Variants in SECISBP2L observed in about 807,000 individuals in gnomAD.
SECISBP2L encodes selenocysteine insertion sequence-binding protein 2-like.
A neutral mutation model predicts 114.7 loss-of-function variants in SECISBP2L; 43 were observed. The observed-to-expected ratio is 0.38, with a 90% CI of 0.29 to 0.48. SECISBP2L has a LOEUF of 0.48. SECISBP2L is among the 20% of genes least tolerant of loss of function. SECISBP2L has a pLI of 0.98. For missense variants in SECISBP2L, 1,136 were observed against 1,301.1 expected (o/e 0.87, Z 1.95); for synonymous variants, 451 against 439.7 (o/e 1.03, Z -0.32).
chr15:49,045,076 A>G (rs761626482), intron 1 of SECISBP2L, among the ~76,000 whole-genome samples: 1 of 152,220 alleles, frequency 6.6e-6, no homozygotes, highest in Admixed American at 6.5e-5. Context: ...TAAATGCCTA[A>G]GTGTATTTGC....
intron 1 of SECISBP2L, among the ~76,000 whole-genome samples, chr15:49,040,553 T>TTTG (rs1903103448): frequency 8.0e-6 from 1 of 125,718 alleles, no homozygotes; most frequent in Non-Finnish European, 1.7e-5. Flanking sequence ...TTTTTTTTTT[T>TTTG]GAGACGGAGT....
chr15:49,034,664 C>CTTTTTT (rs745310543), intron 3 of SECISBP2L, among the ~76,000 whole-genome samples: 122 of 63,378 alleles, frequency 1.9e-3, no homozygotes, highest in African/African-American at 5.8e-3. Context: ...GAAAGTATAT[C>CTTTTTT]TTTTGTTTTT....
rs1902466982 is a variant in SECISBP2L at position 49,012,963 on chromosome 15, G to C, written c.1562-146C>G. 12 of 713,950 alleles carry C rather than the reference G, an allele frequency of 1.7e-5. No individual in the cohort carries two copies. In the Admixed American group the frequency reaches 3.3e-4, roughly 19 times the overall value. 44.2% of individuals were successfully genotyped at this position (713,950 alleles called of 1,614,324 possible). A position where few individuals can be genotyped will look rare whatever the true frequency, so the allele number is the denominator to read the frequency against. On this transcript the variant is annotated intron_variant, in intron 11 of 17. Coordinates refer to ENST00000559471, the MANE Select transcript of SECISBP2L (RefSeq NM_001193489.2). The stretch of plus-strand genomic sequence containing the variant: ...TAGGAGCACTATACATGGCTAGGCA[G>C]TGTCCCTCAGATACAGCTTTTACCT...
chr15:49,002,303 T>C (rs1902229170), intron 14 of SECISBP2L, among the ~76,000 whole-genome samples: 1 of 139,458 alleles, frequency 7.2e-6, no homozygotes, highest in South Asian at 2.2e-4. Context: ...GATGGGGTTG[T>C]TTTTTCTTAT....
At chr15:49,002,762 T>C (rs1902237562) in intron 14 of SECISBP2L, among the ~76,000 whole-genome samples, 1 of 152,240 alleles carries the variant, frequency 6.6e-6, no homozygotes, top group Admixed American at 6.5e-5. Flanking sequence ...CAGATGGTTG[T>C]AGATGTGTGG....
chr15:49,025,138 T>C (rs1902715138), intron 7 of SECISBP2L, among the ~76,000 whole-genome samples: 1 of 152,184 alleles, frequency 6.6e-6, no homozygotes, highest in Non-Finnish European at 1.5e-5. Flanking sequence ...TGATTCCCCT[T>C]TTAGCTCTTT....
Position 48,996,477 on chromosome 15 carries a change from T to C in SECISBP2L, c.2513A>G (p.Lys838Arg), listed in dbSNP as rs1902093638. The change falls in exon 17 of 18, where the codon AAG (lysine) becomes AGG (arginine). Residue 838 changes from lysine (K) to arginine (R), a missense_variant. Physicochemically the swap from Lys to Arg is conservative, Grantham distance 26. Around this residue, in one of 2 missense-constraint regions of SECISBP2L, gnomAD observed 684 missense variants for 848.7 expected, o/e 0.81. Transcript: ENST00000559471. ...EQAEEALKNVKKVPHHMGHSR... is the reference protein window; with the variant it reads ...EQAEEALKNVRKVPHHMGHSR... ...ATGTCCCATGTGGTGTGGTACCTTCTTCACATTCTTTAAGGCTTCCTCAGC... is the reference window on the plus strand; with the variant it reads ...ATGTCCCATGTGGTGTGGTACCTTCCTCACATTCTTTAAGGCTTCCTCAGC... 1 of 1,614,156 alleles carries C rather than the reference T, an allele frequency of 6.2e-7. No homozygotes were observed. The highest frequency in any genetic ancestry group is 2.2e-5 in the East Asian group (1 of 44,874).
chr15:48,992,731 G>A lies in SECISBP2L; in HGVS notation c.2819C>T (p.Ala940Val), dbSNP rs1477540448. The change falls in exon 18 of 18, where the codon GCA becomes GTA. Residue 940 changes from alanine to valine, a missense_variant. Ala to Val is a moderately conservative substitution (Grantham distance 64). Coordinates refer to ENST00000559471, the MANE Select transcript of SECISBP2L (RefSeq NM_001193489.2). ...TSATSAGKST[A>V]SDKEEVKPDD... ...TGGCTTCACTTCCTCTTTATCACTTGCTGTGGATTTCCCAGCACTTGTAGC... is the reference window on the plus strand; with the variant it reads ...TGGCTTCACTTCCTCTTTATCACTTACTGTGGATTTCCCAGCACTTGTAGC... The A allele has an allele frequency of 6.2e-7, 1 of 1,614,172 alleles. No homozygotes were observed. The highest frequency in any genetic ancestry group is 8.5e-7 in the Non-Finnish European group (1 of 1,180,036).
At chr15:49,032,887 GT>G (rs1443299499) in intron 4 of SECISBP2L, 77 bp downstream of exon 4, 71 of 1,541,336 alleles carry the variant, frequency 4.6e-5, no homozygotes, top group Non-Finnish European at 6.1e-5. Flanking sequence ...CTGACAAGTG[GT>G]TCAGACCACA....
At chr15:49,003,761 A>C (rs1255857558) in intron 14 of SECISBP2L, among the ~76,000 whole-genome samples, 2 of 152,190 alleles carry the variant, frequency 1.3e-5, no homozygotes, top group Non-Finnish European at 2.9e-5. Flanking sequence ...CCATATGGTA[A>C]ACCAGCCTTG....
At chr15:49,000,779 C>A in intron 15 of SECISBP2L, 98 bp downstream of exon 15, 4 of 967,318 alleles carry the variant, frequency 4.1e-6, no homozygotes, top group Non-Finnish European at 6.0e-6. Flanking sequence ...TGTTTTATAC[C>A]TAAACTCTGA....
rs758490109 is a variant in SECISBP2L, at chr15:48,992,201, C to T, written c.*43G>A. 3.9e-6 allele frequency: 6 copies of T among 1,540,608 alleles called. No individual in the cohort carries two copies. The highest frequency in any genetic ancestry group is 1.2e-5 in the South Asian group (1 of 81,400). On this transcript the variant is annotated 3_prime_UTR_variant, in exon 18 of 18. Coordinates refer to ENST00000559471, the MANE Select transcript of SECISBP2L (RefSeq NM_001193489.2). ...GATGAAGCATAAAAGGTAATGGCTG[C>T]AACCCTTCCACAGCTGGAGATAGAG...
Position 48,992,130 on chromosome 15 carries a change from G to C in SECISBP2L, c.*114C>G. Reference sequence around the variant, plus strand: ...AGTAAAAGCTACAAAAATATTTGTTGGGAATTAAATACGTATATTAAATAC... The same window carrying C: ...AGTAAAAGCTACAAAAATATTTGTTCGGAATTAAATACGTATATTAAATAC... On this transcript the variant is annotated 3_prime_UTR_variant, in exon 18 of 18. Coordinates refer to ENST00000559471, the MANE Select transcript of SECISBP2L (RefSeq NM_001193489.2). The C allele has an allele frequency of 1.1e-6, 1 of 950,664 alleles. No homozygotes were observed. The highest frequency in any genetic ancestry group is 1.5e-6 in the Non-Finnish European group (1 of 648,564). The allele number at this position is 950,664 out of a possible 1,614,324, so 58.9% of individuals were successfully genotyped here.
At chr15:49,006,442 A>T (rs993759562) in intron 14 of SECISBP2L, among the ~76,000 whole-genome samples, 1 of 151,878 alleles carries the variant, frequency 6.6e-6, no homozygotes, top group Non-Finnish European at 1.5e-5. Context: ...GGCTTTGTTC[A>T]TTCCTTTTCA....
At chr15:49,040,742 G>C (rs1481544985) in intron 1 of SECISBP2L, among the ~76,000 whole-genome samples, 1 of 150,898 alleles carries the variant, frequency 6.6e-6, no homozygotes, top group Non-Finnish European at 1.5e-5. Flanking sequence ...GTTTCACCGT[G>C]TTAGCCAGGA....
rs1903102795 is a variant in SECISBP2L at position 49,040,530 on chromosome 15, T to C, written c.25-2761A>G. Among the ~76,000 whole-genome samples the C allele has an allele frequency of 2.7e-5, 3 of 109,626 alleles. No individual in the cohort carries two copies. The Admixed American group carries it at 2.8e-4, about 10-fold the overall frequency. The allele number at this position is 109,626 out of a possible 152,430, so 71.9% of individuals were successfully genotyped here. A position where few individuals can be genotyped will look rare whatever the true frequency, so the allele number is the denominator to read the frequency against. On this transcript the variant is annotated intron_variant, in intron 1 of 17. Transcript: ENST00000559471. ...AGTGTTATGATCCCAAACTATTCTT[T>C]TTTTTTTTTTTTTTTTTTTTTTTGA...
chr15:49,043,867 C>T (rs77263205), intron 1 of SECISBP2L, among the ~76,000 whole-genome samples: 6,626 of 151,620 alleles, frequency 0.044, 233 homozygotes, highest in East Asian at 0.15. Context: ...TTGATCAGCA[C>T]ACATACAATT....
intron 4 of SECISBP2L, 151 bp from the exon 5 acceptor site, chr15:49,028,833 A>C: frequency 4.4e-6 from 3 of 682,064 alleles, no homozygotes; most frequent in Non-Finnish European, 7.4e-6. Flanking sequence ...TTAAAAGGTA[A>C]GATGTTCCTG....
intron 3 of SECISBP2L, 90 bp downstream of exon 3, chr15:49,035,244 G>T: frequency 9.4e-7 from 1 of 1,065,782 alleles, no homozygotes; most frequent in Non-Finnish European, 1.4e-6. Context: ...AGTAAATTCA[G>T]CATTAATGGT....
Sources: gnomAD v4.1 joint callset for allele counts (sites outside exome capture counted in the v4.1 genomes callset) on GRCh38, gnomAD v4.1.1 for gene constraint, gnomAD v4.1.1 regional missense constraint, MANE v1.5 for transcripts, NCBI Gene and HGNC (gene_info 2026-07-23, HGNC 2026-07-21) for gene names.